The following PLCL1 variants were observed in gnomAD, a reference collection of about 807,000 sequenced individuals.
The protein encoded by PLCL1 is inactive phospholipase C-like protein 1.
PLCL1 carries 41 observed loss-of-function variants against 84.4 expected under a neutral mutation model. The observed-to-expected ratio is 0.49, with a 90% CI of 0.38 to 0.63. The LOEUF (loss-of-function observed/expected upper bound fraction) is 0.63, where lower values mean the gene tolerates loss of function less well. PLCL1 is among the 30% of genes least tolerant of loss of function. The pLI is 0.00. For missense variants in PLCL1, 1,206 were observed against 1,367.8 expected (o/e 0.88, Z 1.87); for synonymous variants, 490 against 488.3 (o/e 1.00, Z -0.05).
chr2:197,961,777 G>C (rs1689629465), intron 1 of PLCL1, among the ~76,000 whole-genome samples: 1 of 151,932 alleles, frequency 6.6e-6, no homozygotes, highest in African/African-American at 2.4e-5. Context: ...GGGTTGTTTT[G>C]ATTTACAGGA....
At chr2:197,822,420 GT>G (rs1690833147) in intron 1 of PLCL1, among the ~76,000 whole-genome samples, 1 of 152,148 alleles carries the variant, frequency 6.6e-6, no homozygotes, top group Non-Finnish European at 1.5e-5. Context: ...TAAAGAGTAA[GT>G]TTAAGTTCTC....
chr2:197,954,591 C>T (rs866068906), intron 1 of PLCL1, among the ~76,000 whole-genome samples: 21 of 152,018 alleles, frequency 1.4e-4, no homozygotes, highest in South Asian at 1.0e-3. Flanking sequence ...TCATGTAATG[C>T]GTGTGCACTT....
intron 5 of PLCL1, among the ~76,000 whole-genome samples, chr2:198,125,536 A>AT (rs1446444735): frequency 2.6e-5 from 4 of 151,814 alleles, no homozygotes; most frequent in South Asian, 2.1e-4. Flanking sequence ...ACCAATTCCC[A>AT]TTTTTTTTCA....
At chr2:198,050,661 A>G (rs1258023728) in intron 1 of PLCL1, among the ~76,000 whole-genome samples, 3 of 152,228 alleles carry the variant, frequency 2.0e-5, no homozygotes, top group Admixed American at 6.5e-5. Context: ...TTAGGTGGTG[A>G]TATTTAAGTT....
At chr2:198,144,611 A>G (rs543645499) in intron 5 of PLCL1, among the ~76,000 whole-genome samples, 104 of 152,294 alleles carry the variant, frequency 6.8e-4, no homozygotes, top group African/African-American at 2.4e-3. Context: ...TTAGAACTGT[A>G]AGGAAGGCTG....
At chr2:197,860,697 G>A (rs565526579) in intron 1 of PLCL1, among the ~76,000 whole-genome samples, 1 of 152,168 alleles carries the variant, frequency 6.6e-6, no homozygotes, top group South Asian at 2.1e-4. Flanking sequence ...GTCTGTTCAT[G>A]TCCTTTGCTA....
chr2:198,112,941 G>A (rs1324449017), intron 5 of PLCL1, among the ~76,000 whole-genome samples: 4 of 151,754 alleles, frequency 2.6e-5, no homozygotes, highest in African/African-American at 9.7e-5. Context: ...GAGAATGGAT[G>A]GATCACTTCT....
intron 1 of PLCL1, among the ~76,000 whole-genome samples, chr2:197,871,340 A>C (rs1687649157): frequency 6.6e-6 from 1 of 151,992 alleles, no homozygotes; most frequent in Non-Finnish European, 1.5e-5. Flanking sequence ...TGAGGTTCAT[A>C]AGGGAAGGGG....
intron 1 of PLCL1, among the ~76,000 whole-genome samples, chr2:198,027,840 TC>T (rs1691310063): frequency 6.6e-6 from 1 of 152,104 alleles, no homozygotes; most frequent in South Asian, 2.1e-4. Flanking sequence ...TTTTCTTTTT[TC>T]TTTTTGGAGA....
chr2:198,086,978 T>A (rs1287131323), intron 2 of PLCL1, among the ~76,000 whole-genome samples: 1 of 152,182 alleles, frequency 6.6e-6, no homozygotes, highest in Non-Finnish European at 1.5e-5. Flanking sequence ...TAATGTCTAT[T>A]AGGTTACTTT....
chr2:198,030,431 T>C (rs1420459721), intron 1 of PLCL1, among the ~76,000 whole-genome samples: 1 of 152,042 alleles, frequency 6.6e-6, no homozygotes, highest in African/African-American at 2.4e-5. Context: ...TAAATAAAAG[T>C]TTTTCCACAG....
intron 1 of PLCL1, among the ~76,000 whole-genome samples, chr2:197,905,527 T>C (rs1688365394): frequency 6.6e-6 from 1 of 152,238 alleles, no homozygotes. Flanking sequence ...TCCAAGTCTT[T>C]GCTATTGTAA....
chr2:197,835,228 T>C lies in PLCL1; in HGVS notation c.240+29889T>C, dbSNP rs571987296. Among the ~76,000 whole-genome samples the C allele has an allele frequency of 4.5e-4, 68 of 152,274 alleles. 2 individuals carry two copies. In the South Asian group the frequency reaches 1.0e-2, roughly 22 times the overall value. On this transcript the variant is annotated intron_variant, in intron 1 of 5. Transcript: ENST00000428675. ...GGTTGATGGGTGCTGCAAACCACCA[T>C]GGCATGTGTGTAACTATGTAACAAA...
chr2:197,910,873 G>A (rs940705468), intron 1 of PLCL1, among the ~76,000 whole-genome samples: 2 of 152,036 alleles, frequency 1.3e-5, no homozygotes, highest in Non-Finnish European at 2.9e-5. Flanking sequence ...TTCTATTATT[G>A]TTCTATAAAA....
intron 1 of PLCL1, among the ~76,000 whole-genome samples, chr2:197,814,590 T>C (rs753050130): frequency 6.6e-6 from 1 of 152,152 alleles, no homozygotes; most frequent in Non-Finnish European, 1.5e-5. Flanking sequence ...TTCACATCTC[T>C]CACTTTAAAT....
chr2:197,967,307 C>T (rs1364666160), intron 1 of PLCL1, among the ~76,000 whole-genome samples: 6 of 152,310 alleles, frequency 3.9e-5, no homozygotes, highest in East Asian at 1.9e-4. Flanking sequence ...AGCAATTCTC[C>T]TGCCTCAGCC....
At position 198,102,462 on chromosome 2, in the gene PLCL1, G is replaced by A. The variant is rs1046082314; in HGVS notation, c.2995+1102G>A. ...TGATGTTAGCACCAGGAAAGTTAAC[G>A]TGGTCTTAGGCTGCATTAATAAAAA... On this transcript the variant is annotated intron_variant, in intron 4 of 5. Transcript: ENST00000428675. 4.6e-5 allele frequency among the ~76,000 whole-genome samples: 7 copies of A among 151,998 alleles called. No homozygotes were observed. The South Asian group carries it at 8.3e-4, about 18-fold the overall frequency.
chr2:197,997,426 G>T lies in PLCL1; in HGVS notation c.241-86332G>T, dbSNP rs77604896. Among the ~76,000 whole-genome samples the T allele has an allele frequency of 9.3e-3, 1,417 of 152,320 alleles. 22 individuals carry two copies. The highest frequency in any genetic ancestry group is 0.032 in the African/African-American group (1,343 of 41,572). Reference sequence around the variant, plus strand: ...AGGTCGGCTTCTGATAATTAGAAGTGACAGGTGATGACTATGTTATCATAA... The same window carrying T: ...AGGTCGGCTTCTGATAATTAGAAGTTACAGGTGATGACTATGTTATCATAA... On this transcript the variant is annotated intron_variant, in intron 1 of 5. Transcript: ENST00000428675.
rs571673880 is a variant in PLCL1, at chr2:197,827,853, A to G, written c.240+22514A>G. Among the ~76,000 whole-genome samples, 4 of 152,290 alleles carry G rather than the reference A, an allele frequency of 2.6e-5. No individual in the cohort carries two copies. In the South Asian group the frequency reaches 8.3e-4, roughly 32 times the overall value. ...TAAATTGTGATTTTTAGTCAATGGA[A>G]TATGATGACTCACAGGGAATGTAAC... is the stretch of plus-strand genomic sequence containing the variant. On this transcript the variant is annotated intron_variant, in intron 1 of 5. Coordinates refer to ENST00000428675, the MANE Select transcript of PLCL1 (RefSeq NM_006226.4).
Sources: allele counts gnomAD v4.1 joint callset (sites outside exome capture counted in the v4.1 genomes callset), GRCh38; gene constraint gnomAD v4.1.1; transcripts MANE v1.5; gene names NCBI Gene and HGNC (gene_info 2026-07-23, HGNC 2026-07-21).